The following STOX1 variants were observed in gnomAD, a reference collection of about 807,000 sequenced individuals.
STOX1 encodes storkhead box 1, also known as storkhead-box protein 1.
In STOX1, 57 loss-of-function variants were observed where a neutral mutation model predicts 74.8. The ratio of observed to expected loss-of-function variants is 0.76; its 90% CI spans 0.62 to 0.95. STOX1 has a LOEUF of 0.95. Among genes scored for constraint, STOX1 ranks in the 40% least tolerant of loss-of-function variants. STOX1 has a pLI of 0.00. For missense variants in STOX1, 1,010 were observed against 1,117.0 expected, an observed-to-expected ratio of 0.90 and a Z score of 1.37; for synonymous variants, 375 against 401.3, an observed-to-expected ratio of 0.93 and a Z score of 0.78.
intron 1 of STOX1, among the ~76,000 whole-genome samples, chr10:68,873,469 G>A (rs1183347797): frequency 6.7e-6 from 1 of 149,568 alleles, no homozygotes; most frequent in East Asian, 2.0e-4. Context: ...CACCGTGTTA[G>A]CCAGGATGAT....
chr10:68,881,983 T>A lies in STOX1; in HGVS notation c.336T>A (p.Asn112Lys). ...GTGATGTCTTTCCAGTGCAAATGAA[T>A]CCAATAACTCAATCTCAGTTCGTAC... is the stretch of plus-strand genomic sequence containing the variant. The part of the protein sequence containing the change: ...AVGDVFPVQM[N>K]PITQSQFVPL... The change falls in exon 2 of 4, where the codon AAT (asparagine) becomes AAA (lysine). Residue 112 changes from asparagine to lysine, a missense_variant. Coordinates refer to ENST00000298596, the MANE Select transcript of STOX1 (RefSeq NM_152709.5). 2 of 1,613,786 alleles carry A rather than the reference T, an allele frequency of 1.2e-6. No homozygotes were observed. Among genetic ancestry groups the A allele is most frequent in the Non-Finnish European group, 1.7e-6 (2 of 1,179,870 alleles).
chr10:68,855,786 C>T (rs1477139758), intron 1 of STOX1, among the ~76,000 whole-genome samples: 4 of 151,516 alleles, frequency 2.6e-5, no homozygotes, highest in African/African-American at 9.7e-5. Flanking sequence ...CTTAATGTGT[C>T]CTCTCATCTC....
In STOX1 at chr10:68,886,430, A is replaced by G. The variant is rs1206630081; in HGVS notation, c.2634A>G (p.Gly878=). 6.8e-6 allele frequency: 11 copies of G among 1,614,242 alleles called. No individual in the cohort carries two copies. In the South Asian group the frequency reaches 1.2e-4, roughly 18 times the overall value. ...EVIQDTIGDT[G]KKPASWSQSP... is the part of the protein sequence containing the mutation. ...TACAAGACACTATTGGTGACACAGG[A>G]AAGAAGCCAGCTAGCTGGAGTCAGA... The change falls in exon 3 of 4, where the codon GGA becomes GGG. Residue 878 remains glycine (G), a synonymous_variant. Coordinates refer to ENST00000298596, the MANE Select transcript of STOX1 (RefSeq NM_152709.5).
intron 1 of STOX1, among the ~76,000 whole-genome samples, chr10:68,849,001 A>C (rs527934984): frequency 6.6e-6 from 1 of 152,270 alleles, no homozygotes; most frequent in East Asian, 1.9e-4. Flanking sequence ...TGTGGAACTC[A>C]TAGGGTGCCA....
chr10:68,884,522 G>A lies in STOX1; in HGVS notation c.726G>A (p.Gln242=), dbSNP rs758122288. The A allele has an allele frequency of 4.3e-6, 7 of 1,613,818 alleles. No homozygotes were observed. Among genetic ancestry groups the A allele is most frequent in the Non-Finnish European group, 5.9e-6 (7 of 1,180,044 alleles). ...QENAAPISHC[Q]SCQCFRDMHT... is the part of the protein sequence containing the mutation. ...ATGCTGCCCCCATATCCCACTGTCA[G>A]TCTTGCCAGTGTTTCCGGGACATGC... Residue 242 remains glutamine (Q), a synonymous_variant, in exon 3 of 4, where the codon CAG becomes CAA. Transcript: ENST00000298596.
chr10:68,853,027 A>G (rs2133541386), intron 1 of STOX1, among the ~76,000 whole-genome samples: 1 of 151,212 alleles, frequency 6.6e-6, no homozygotes, highest in Non-Finnish European at 1.5e-5. Context: ...GGTTCAAGCG[A>G]TTCTCCTGCC....
At chr10:68,890,693 C>T (rs969849436) in intron 3 of STOX1, among the ~76,000 whole-genome samples, 1 of 147,602 alleles carries the variant, frequency 6.8e-6, no homozygotes, top group African/African-American at 2.5e-5. Context: ...CTCTGTCACC[C>T]AGGCTGCAGT....
In STOX1 at chr10:68,886,328, A is replaced by G; in HGVS notation, c.2532A>G (p.Val844=). 1 of 1,614,226 alleles carries G rather than the reference A, an allele frequency of 6.2e-7. No individual in the cohort carries two copies. Among genetic ancestry groups the G allele is most frequent in the Non-Finnish European group, 8.5e-7 (1 of 1,180,032 alleles). ...AAGAACCCAGTGTTGCTAAATGTGT[A>G]CAGGCCTCAGCACCTGCTGATGAAA... The part of the protein sequence containing the change: ...YEEEPSVAKC[V]QASAPADERI... The change falls in exon 3 of 4, where the codon GTA becomes GTG. Residue 844 remains valine, a synonymous_variant. Transcript: ENST00000298596.
At chr10:68,855,045 G>A (rs1457362504) in intron 1 of STOX1, among the ~76,000 whole-genome samples, 1 of 152,024 alleles carries the variant, frequency 6.6e-6, no homozygotes, top group East Asian at 1.9e-4. Context: ...TTGAACCTAG[G>A]AGTTTGAGGT....
intron 1 of STOX1, among the ~76,000 whole-genome samples, chr10:68,864,484 A>C (rs1205034033): frequency 2.6e-5 from 4 of 152,202 alleles, no homozygotes. Context: ...AGCTTGCTGT[A>C]TTTCTGCCTT....
intron 1 of STOX1, among the ~76,000 whole-genome samples, chr10:68,846,152 A>AT (rs1369097785): frequency 9.7e-5 from 14 of 144,860 alleles, no homozygotes; most frequent in Non-Finnish European, 2.1e-4. Flanking sequence ...TATTATTATT[A>AT]TTATTATTAT....
chr10:68,849,434 T>A (rs1287460927), intron 1 of STOX1, among the ~76,000 whole-genome samples: 1 of 152,216 alleles, frequency 6.6e-6, no homozygotes, highest in Non-Finnish European at 1.5e-5. Flanking sequence ...TTCTTAATAG[T>A]ATGGAATGGC....
intron 1 of STOX1, chr10:68,846,848 GAGA>G (rs1839868980): frequency 6.6e-6 from 1 of 152,110 alleles, no homozygotes; most frequent in Admixed American, 6.6e-5. Flanking sequence ...AAACGATATA[GAGA>G]AGATTAGCAT....
At chr10:68,875,837 C>T (rs1392588452) in intron 1 of STOX1, among the ~76,000 whole-genome samples, 1 of 152,094 alleles carries the variant, frequency 6.6e-6, no homozygotes, top group Admixed American at 6.6e-5. Flanking sequence ...TGTATGAATC[C>T]ACGTCCATCC....
chr10:68,848,535 G>A (rs1016689401), intron 1 of STOX1, among the ~76,000 whole-genome samples: 1 of 152,166 alleles, frequency 6.6e-6, no homozygotes, highest in Non-Finnish European at 1.5e-5. Flanking sequence ...TCTGCTTCCC[G>A]ATCTGTGAAA....
chr10:68,872,322 T>C (rs1208564999), intron 1 of STOX1, among the ~76,000 whole-genome samples: 1 of 150,504 alleles, frequency 6.6e-6, no homozygotes, highest in Non-Finnish European at 1.5e-5. Flanking sequence ...TGCTAGGGAT[T>C]AGTTTTTTCT....
At chr10:68,860,675 C>G (rs567575486) in intron 1 of STOX1, among the ~76,000 whole-genome samples, 1 of 150,750 alleles carries the variant, frequency 6.6e-6, no homozygotes, top group Non-Finnish European at 1.5e-5. Context: ...TGCCTCCATA[C>G]TAGAGGAAGG....
chr10:68,838,337 G>A (rs1297458144), intron 1 of STOX1, among the ~76,000 whole-genome samples: 13 of 152,246 alleles, frequency 8.5e-5, no homozygotes, highest in African/African-American at 3.1e-4. Context: ...AAAGTGATGC[G>A]ATTACAGGCG....
rs557111294 is a variant in STOX1, at chr10:68,882,035, A to G, written c.388A>G (p.Ile130Val). 4 of 1,613,716 alleles carry G rather than the reference A, an allele frequency of 2.5e-6. No individual in the cohort carries two copies. The highest frequency in any genetic ancestry group is 1.3e-5 in the African/African-American group (1 of 74,882). The change falls in exon 2 of 4, where the codon ATA becomes GTA. Residue 130 changes from isoleucine to valine, a missense_variant. Ile to Val is a conservative substitution (Grantham distance 29). Coordinates refer to ENST00000298596, the MANE Select transcript of STOX1 (RefSeq NM_152709.5). The part of the protein sequence containing the change: ...VPLGEVLCCA[I>V]SDMNTAQIVV... ...TTTGGGTGAAGTTCTTTGCTGTGCT[A>G]TATCTGATATGAATACAGCTCAGAT...
Sources: gnomAD v4.1 joint callset for allele counts (sites outside exome capture counted in the v4.1 genomes callset) on GRCh38, gnomAD v4.1.1 for gene constraint, MANE v1.5 for transcripts, NCBI Gene and HGNC (gene_info 2026-07-23, HGNC 2026-07-21) for gene names.